The following TRIM24 variants were observed in gnomAD, a reference collection of about 807,000 sequenced individuals.
The protein encoded by TRIM24 is transcription intermediary factor 1-alpha.
Under a neutral mutation model 123.9 loss-of-function variants are expected in TRIM24, and 29 were observed. That is an observed-to-expected ratio of 0.23 (90% CI 0.17 to 0.32). The LOEUF is 0.32. Ranked by LOEUF, TRIM24 falls within the 10% of genes least tolerant of loss-of-function variation. TRIM24 has a pLI of 1.00. For synonymous variants in TRIM24, 456 were observed against 461.1 expected (o/e 0.99, Z 0.14); for missense variants, 932 against 1,295.3 (o/e 0.72, Z 4.31).
intron 9 of TRIM24, among the ~76,000 whole-genome samples, chr7:138,559,793 G>A (rs1797388488): frequency 6.6e-6 from 1 of 152,186 alleles, no homozygotes; most frequent in South Asian, 2.1e-4. Flanking sequence ...AGCAGTGGGA[G>A]TGGACAAGAT....
At chr7:138,531,192 TAC>T (rs1157695383) in intron 6 of TRIM24, among the ~76,000 whole-genome samples, 1 of 42,208 alleles carries the variant, frequency 2.4e-5, no homozygotes, top group Admixed American at 1.6e-4. Flanking sequence ...TGTATATGTA[TAC>T]ATGTATACAT....
chr7:138,541,191 C>T (rs530999819), intron 7 of TRIM24, among the ~76,000 whole-genome samples: 2 of 152,032 alleles, frequency 1.3e-5, no homozygotes, highest in Non-Finnish European at 2.9e-5. Flanking sequence ...AGGCCATGCA[C>T]CTATAATACA....
intron 6 of TRIM24, among the ~76,000 whole-genome samples, chr7:138,529,544 C>G (rs1796682223): frequency 6.6e-6 from 1 of 152,036 alleles, no homozygotes; most frequent in Non-Finnish European, 1.5e-5. Context: ...TTTTGCATCA[C>G]CAAGGTGGTT....
At chr7:138,562,485 T>G (rs1797447444) in intron 9 of TRIM24, among the ~76,000 whole-genome samples, 4 of 152,188 alleles carry the variant, frequency 2.6e-5, no homozygotes, top group Admixed American at 2.6e-4. Flanking sequence ...ATTCTCCAGA[T>G]GGCTTCTGTA....
At position 138,489,915 on chromosome 7, in the gene TRIM24, A is replaced by G. The variant is rs1214913028; in HGVS notation, c.365-14375A>G. Among the ~76,000 whole-genome samples, 5 of 152,240 alleles carry G rather than the reference A, an allele frequency of 3.3e-5. No homozygotes were observed. The East Asian group carries it at 9.6e-4, about 29-fold the overall frequency. ...GTTGGCCTGCCTTGCTAGGTTGGAG[A>G]AGTTCTCCTGGATAATATCCCGAAG... On this transcript the variant is annotated intron_variant, in intron 1 of 18. Transcript: ENST00000343526.
At chr7:138,570,021 C>T (rs1797621154) in intron 10 of TRIM24, among the ~76,000 whole-genome samples, 1 of 150,438 alleles carries the variant, frequency 6.6e-6, no homozygotes, top group Admixed American at 6.6e-5. Flanking sequence ...AATCTTGGCT[C>T]ACTGCAACCT....
intron 16 of TRIM24, among the ~76,000 whole-genome samples, chr7:138,581,076 G>A (rs1797885413): frequency 6.6e-6 from 1 of 151,386 alleles, no homozygotes; most frequent in African/African-American, 2.4e-5. Context: ...TTTTTTCACT[G>A]AATGGGACTA....
rs1798057096 is a variant in TRIM24, at chr7:138,588,648, C to CT, written c.*3698dup. The CT allele has an allele frequency of 6.6e-6, 1 of 151,768 alleles. No homozygotes were observed. 9.4% of individuals were successfully genotyped at this position (151,768 alleles called of 1,614,324 possible). A position where few individuals can be genotyped will look rare whatever the true frequency, so the allele number is the denominator to read the frequency against. On this transcript the variant is annotated 3_prime_UTR_variant, in exon 19 of 19. Coordinates refer to ENST00000343526, the MANE Select transcript of TRIM24 (RefSeq NM_015905.3). ...CCCAGGAGGCAGAGGTTGCAGTGAG[C>CT]TGAGATCGCACCACTGTAGTCCAGC...
intron 1 of TRIM24, among the ~76,000 whole-genome samples, chr7:138,462,221 G>A (rs1795003519): frequency 6.6e-6 from 1 of 152,124 alleles, no homozygotes; most frequent in Admixed American, 6.5e-5. Context: ...AAAAGATTAG[G>A]GTTCCCTAAG....
At chr7:138,464,856 A>G (rs979209793) in intron 1 of TRIM24, among the ~76,000 whole-genome samples, 1 of 152,214 alleles carries the variant, frequency 6.6e-6, no homozygotes, top group African/African-American at 2.4e-5. Context: ...ATCTGATTCT[A>G]CCTAATCTGG....
At chr7:138,538,891 T>C (rs566272915) in intron 7 of TRIM24, 88 bp downstream of exon 7, 1 of 1,230,896 alleles carries the variant, frequency 8.1e-7, no homozygotes, top group African/African-American at 1.5e-5. Flanking sequence ...ATTCTGCTTG[T>C]GCATCAGTGC....
chr7:138,530,950 A>G (rs997260769), intron 6 of TRIM24, among the ~76,000 whole-genome samples: 11 of 151,624 alleles, frequency 7.3e-5, no homozygotes, highest in Non-Finnish European at 1.5e-5. Flanking sequence ...CACTCTAGTG[A>G]ATTTTCTTAT....
chr7:138,515,079 T>A, intron 2 of TRIM24, 133 bp from the exon 3 acceptor site: 1 of 779,754 alleles, frequency 1.3e-6, no homozygotes, highest in Non-Finnish European at 1.9e-6. Context: ...CAAGGTCAGT[T>A]TAAAATTTCC....
chr7:138,489,108 T>G (rs987683006), intron 1 of TRIM24, among the ~76,000 whole-genome samples: 1 of 152,208 alleles, frequency 6.6e-6, no homozygotes, highest in African/African-American at 2.4e-5. Flanking sequence ...TGTATTGGCC[T>G]TCTTTGTCTC....
intron 12 of TRIM24, 57 bp downstream of exon 12, chr7:138,573,699 G>A (rs904839017): frequency 6.5e-7 from 1 of 1,544,524 alleles, no homozygotes; most frequent in African/African-American, 1.4e-5. Context: ...ACTTTACTTG[G>A]AATAAAAAAT....
chr7:138,567,350 A>T (rs1797555131), intron 9 of TRIM24, 131 bp from the exon 10 acceptor site: 2 of 849,032 alleles, frequency 2.4e-6, no homozygotes, highest in Middle Eastern at 2.7e-4. Context: ...TCATTCCCTT[A>T]TGTAAATCTT....
At chr7:138,550,266 TGAG>T (rs1318405748) in intron 7 of TRIM24, among the ~76,000 whole-genome samples, 1 of 151,478 alleles carries the variant, frequency 6.6e-6, no homozygotes, top group Non-Finnish European at 1.5e-5. Flanking sequence ...GGGCAAACGT[TGAG>T]GAGAGTGAAG....
Position 138,573,656 on chromosome 7 carries a change from C to G in TRIM24, c.2014+14C>G, listed in dbSNP as rs1432847828. 3.8e-6 allele frequency: 6 copies of G among 1,586,830 alleles called. No homozygotes were observed. Among genetic ancestry groups the G allele is most frequent in the Non-Finnish European group, 5.1e-6 (6 of 1,171,762 alleles). On this transcript the variant is annotated intron_variant, in intron 12 of 18. Coordinates refer to ENST00000343526, the MANE Select transcript of TRIM24 (RefSeq NM_015905.3). ...CAGGCCTTGCAGGTAAAGTGGGCTT[C>G]TTTTGATTTTTGTGAAAGTTTTTCT...
chr7:138,567,272 T>C (rs893657970), intron 9 of TRIM24, among the ~76,000 whole-genome samples: 3 of 152,208 alleles, frequency 2.0e-5, no homozygotes, highest in Non-Finnish European at 4.4e-5. Context: ...CCCAAGGTTC[T>C]TTCCTAGTAA....
Sources: allele counts gnomAD v4.1 joint callset (sites outside exome capture counted in the v4.1 genomes callset), GRCh38; gene constraint gnomAD v4.1.1; transcripts MANE v1.5; gene names NCBI Gene and HGNC (gene_info 2026-07-23, HGNC 2026-07-21).